The following RPL34 variants were observed in gnomAD, a reference collection of about 807,000 sequenced individuals.
RPL34 encodes the protein ribosomal protein L34, also known as large ribosomal subunit protein eL34.
In RPL34, 2 loss-of-function variants were observed where a neutral mutation model predicts 16.3. That is an observed-to-expected ratio of 0.12 (90% confidence interval 0.05 to 0.39). RPL34 has a LOEUF of 0.39. RPL34 is among the 10% of genes least tolerant of loss of function. RPL34 has a pLI of 0.99. For synonymous variants in RPL34, 47 were observed against 48.5 expected (o/e 0.97, Z 0.13); for missense variants, 82 against 148.8 (o/e 0.55, Z 2.33).
downstream of RPL34, among the ~76,000 whole-genome samples, chr4:108,626,288 C>T (rs549996179): frequency 8.4e-4 from 128 of 151,990 alleles, 3 homozygotes; most frequent in South Asian, 0.026. Flanking sequence ...TAGGCACCAC[C>T]ATGCCTGGCT....
downstream of RPL34, among the ~76,000 whole-genome samples, chr4:108,628,015 T>C (rs566900662): frequency 2.0e-5 from 3 of 152,208 alleles, no homozygotes; most frequent in South Asian, 4.2e-4. Context: ...CCAGAGCCAT[T>C]TGTATTGTTG....
At chr4:108,621,903 T>C (rs1725793848) in intron 1 of RPL34, 48 bp from the exon 2 acceptor site, 10 of 1,262,262 alleles carry the variant, frequency 7.9e-6, no homozygotes, top group Non-Finnish European at 1.2e-5. Flanking sequence ...TGAGATTTTA[T>C]TTACTTTTAC....
downstream of RPL34, among the ~76,000 whole-genome samples, chr4:108,627,112 G>A (rs113444240): frequency 1.3e-5 from 2 of 152,032 alleles, no homozygotes; most frequent in Non-Finnish European, 2.9e-5. Context: ...GGTGGTATGC[G>A]TCTGTAATCC....
chr4:108,624,530 G>A (rs1003190647), intron 4 of RPL34, among the ~76,000 whole-genome samples: 4 of 152,264 alleles, frequency 2.6e-5, no homozygotes, highest in Admixed American at 2.0e-4. Flanking sequence ...CTAGATGGAG[G>A]CTCAAAGTCT....
Position 108,622,162 on chromosome 4 carries a change from A to C in RPL34, c.123A>C (p.Ala41=). The C allele has an allele frequency of 3.1e-6, 5 of 1,613,490 alleles. No homozygotes were observed. Among genetic ancestry groups the C allele is most frequent in the Non-Finnish European group, 4.2e-6 (5 of 1,179,956 alleles). The change falls in exon 3 of 5, where the codon GCA becomes GCC. Residue 41 remains alanine (A), a synonymous_variant. Transcript: ENST00000394667. ...TTTATACCAAGAAGGTTGGGAAAGC[A>C]CCAAAATCTGCATGTGGTGTGTGCC... The part of the protein sequence containing the change: ...VYLYTKKVGK[A]PKSACGVCPG...
chr4:108,622,227 G>A (rs1236862283), intron 3 of RPL34, 23 bp downstream of exon 3: 34 of 1,505,348 alleles, frequency 2.3e-5, no homozygotes, highest in Non-Finnish European at 7.4e-6. Context: ...TTTACTGTGT[G>A]CAGCCTAACA....
At chr4:108,627,525 C>T (rs1726054927), downstream of RPL34, among the ~76,000 whole-genome samples, 1 of 152,098 alleles carries the variant, frequency 6.6e-6, no homozygotes, top group African/African-American at 2.4e-5. Context: ...GAAGAGGAGT[C>T]ACAGAACTAG....
downstream of RPL34, among the ~76,000 whole-genome samples, chr4:108,629,124 C>CA (rs1474370279): frequency 1.3e-5 from 2 of 152,034 alleles, no homozygotes; most frequent in Non-Finnish European, 2.9e-5. Flanking sequence ...GGCCACTACT[C>CA]AGTCATTTTT....
downstream of RPL34, among the ~76,000 whole-genome samples, chr4:108,628,874 G>A (rs1726096755): frequency 1.3e-5 from 2 of 152,188 alleles, no homozygotes; most frequent in Non-Finnish European, 2.9e-5. Context: ...CCAGGCTGGA[G>A]TGCAGTGACG....
chr4:108,622,461 T>G, intron 3 of RPL34, 54 bp from the exon 4 acceptor site: 2 of 1,403,388 alleles, frequency 1.4e-6, no homozygotes, highest in South Asian at 1.2e-5. Flanking sequence ...TTAACAAAAT[T>G]TAGGGAAATT....
chr4:108,629,089 A>T (rs1405676489), downstream of RPL34, among the ~76,000 whole-genome samples: 1 of 152,160 alleles, frequency 6.6e-6, no homozygotes, highest in Non-Finnish European at 1.5e-5. Context: ...AAGTGTTGGG[A>T]TGACAGGCTT....
chr4:108,623,225 CAG>C (rs544700068), intron 4 of RPL34: 8 of 152,154 alleles, frequency 5.3e-5, no homozygotes, highest in Admixed American at 1.3e-4. Flanking sequence ...CCCAGCTACT[CAG>C]AGACTGAGGC....
At chr4:108,621,652 C>T (rs1195713947) in intron 1 of RPL34, 9 of 307,690 alleles carry the variant, frequency 2.9e-5, no homozygotes, top group Non-Finnish European at 4.4e-5. Flanking sequence ...CAACTGGGCT[C>T]GTGGCACTTT....
chr4:108,622,653 A>C, intron 4 of RPL34, 35 bp downstream of exon 4: 1 of 1,335,394 alleles, frequency 7.5e-7, no homozygotes, highest in Non-Finnish European at 1.0e-6. Flanking sequence ...TTCCTTAGCA[A>C]ATTATTGTGT....
chr4:108,624,427 G>C (rs780805888), intron 4 of RPL34, among the ~76,000 whole-genome samples: 3 of 152,168 alleles, frequency 2.0e-5, no homozygotes, highest in Admixed American at 6.5e-5. Flanking sequence ...TTTAAACTCT[G>C]GTGGTAACTC....
chr4:108,622,849 A>G (rs954399108), intron 4 of RPL34: 2 of 403,108 alleles, frequency 5.0e-6, no homozygotes, highest in Non-Finnish European at 8.8e-6. Flanking sequence ...GGTTTTGTTC[A>G]GGAGGTGGGT....
At chr4:108,627,193 C>T (rs1042119286), downstream of RPL34, among the ~76,000 whole-genome samples, 49 of 151,882 alleles carry the variant, frequency 3.2e-4, no homozygotes, top group Non-Finnish European at 3.2e-4. Flanking sequence ...AAGCCAAGAT[C>T]GCGCCACTGT....
In RPL34 at chr4:108,620,579, C is replaced by T. The variant is rs531061239; in HGVS notation, c.-31C>T. ...AACTGGCAAAGGCTTTTTTCTTCCT[C>T]TTCCGGGGACGTTGTCTGCAGGTAT... On this transcript the variant is annotated 5_prime_UTR_variant, in exon 1 of 5. Coordinates refer to ENST00000394667, the MANE Select transcript of RPL34 (RefSeq NM_001319236.2). 74 of 316,828 alleles carry T rather than the reference C, an allele frequency of 2.3e-4. No individual in the cohort carries two copies. Among genetic ancestry groups the T allele is most frequent in the African/African-American group, 1.1e-3 (51 of 46,176 alleles). 19.6% of individuals were successfully genotyped at this position (316,828 alleles called of 1,614,324 possible). A position where few individuals can be genotyped will look rare whatever the true frequency, so the allele number is the denominator to read the frequency against.
chr4:108,629,818 C>T (rs1231365139), downstream of RPL34, among the ~76,000 whole-genome samples: 1 of 152,166 alleles, frequency 6.6e-6, no homozygotes, highest in Non-Finnish European at 1.5e-5. Context: ...ATAATCTTTA[C>T]CCCAGTGATT....
Sources: gnomAD v4.1 joint callset for allele counts (sites outside exome capture counted in the v4.1 genomes callset) on GRCh38, gnomAD v4.1.1 for gene constraint, MANE v1.5 for transcripts, NCBI Gene and HGNC (gene_info 2026-07-23, HGNC 2026-07-21) for gene names.